The following SDK1 variants were observed in gnomAD, a reference collection of about 807,000 sequenced individuals.
SDK1 encodes the protein protein sidekick-1.
A neutral mutation model predicts 245.5 loss-of-function variants in SDK1; 157 were observed. That is an observed-to-expected ratio of 0.64 (90% CI 0.56 to 0.73). The LOEUF is 0.73. Among genes scored for constraint, SDK1 ranks in the 30% least tolerant of loss-of-function variants. SDK1 has a pLI of 0.00. For synonymous variants in SDK1, 1,647 were observed against 1,278.5 expected, an observed-to-expected ratio of 1.29 and a Z score of -6.15; for missense variants, 3,583 against 3,002.3, an observed-to-expected ratio of 1.19 and a Z score of -4.52.
chr7:3,680,985 G>C (rs1784082271), intron 4 of SDK1, among the ~76,000 whole-genome samples: 1 of 152,132 alleles, frequency 6.6e-6, no homozygotes, highest in Non-Finnish European at 1.5e-5. Context: ...TGGGACTACA[G>C]GTGCACCCCA....
At chr7:3,371,625 T>C (rs572480894) in intron 1 of SDK1, among the ~76,000 whole-genome samples, 1 of 152,252 alleles carries the variant, frequency 6.6e-6, no homozygotes, top group African/African-American at 2.4e-5. Flanking sequence ...ATCAGAAGAC[T>C]TGATCTCCAA....
chr7:4,249,396 C>G (rs1485026146), intron 44 of SDK1, among the ~76,000 whole-genome samples: 1 of 152,186 alleles, frequency 6.6e-6, no homozygotes, highest in Non-Finnish European at 1.5e-5. Flanking sequence ...CCACACTGCT[C>G]CCACATGGCA....
At chr7:4,129,355 G>A (rs146356727) in intron 26 of SDK1, among the ~76,000 whole-genome samples, 14 of 138,534 alleles carry the variant, frequency 1.0e-4, no homozygotes, top group Admixed American at 9.4e-4. Flanking sequence ...GAGGACAGCA[G>A]CTTGGGGTTG....
chr7:3,481,816 C>G (rs540686332), intron 1 of SDK1, among the ~76,000 whole-genome samples: 2 of 152,304 alleles, frequency 1.3e-5, no homozygotes, highest in African/African-American at 4.8e-5. Context: ...ACTGTCCTAC[C>G]TTTTGTGAAA....
chr7:3,483,257 G>T (rs1781573898), intron 1 of SDK1, among the ~76,000 whole-genome samples: 1 of 152,102 alleles, frequency 6.6e-6, no homozygotes, highest in Non-Finnish European at 1.5e-5. Context: ...AGTTTATTCA[G>T]GCTTCTTTTA....
chr7:3,376,712 A>G (rs1781364756), intron 1 of SDK1, among the ~76,000 whole-genome samples: 2 of 152,192 alleles, frequency 1.3e-5, no homozygotes, highest in South Asian at 2.1e-4. Flanking sequence ...TCAAAATGCA[A>G]ATACCAAATG....
intron 25 of SDK1, among the ~76,000 whole-genome samples, chr7:4,119,446 C>A (rs1783924802): frequency 6.8e-6 from 1 of 147,986 alleles, no homozygotes; most frequent in Non-Finnish European, 1.5e-5. Flanking sequence ...CAGAGCAAGA[C>A]CCTGTCTCTA....
At position 4,114,083 on chromosome 7, in the gene SDK1, A is replaced by G; in HGVS notation, c.3632A>G (p.Tyr1211Cys). 1 of 1,614,186 alleles carries G rather than the reference A, an allele frequency of 6.2e-7. No individual in the cohort carries two copies. The highest frequency in any genetic ancestry group is 8.5e-7 in the Non-Finnish European group (1 of 1,180,030). The stretch of plus-strand genomic sequence containing the variant: ...AACGGGAACCCCGAGTCCGTGGGCT[A>G]CAGGATTAAGTACTGGCGCTCAGAC... ...QYNGNPESVG[Y>C]RIKYWRSDLQ... is the part of the protein sequence containing the mutation. Residue 1211 changes from tyrosine (Y) to cysteine (C), a missense_variant, in exon 25 of 45, where the codon TAC (tyrosine) becomes TGC (cysteine). Coordinates refer to ENST00000404826, the MANE Select transcript of SDK1 (RefSeq NM_152744.4).
intron 44 of SDK1, among the ~76,000 whole-genome samples, chr7:4,251,378 A>T (rs1002074586): frequency 1.3e-5 from 2 of 152,168 alleles, no homozygotes; most frequent in African/African-American, 2.4e-5. Flanking sequence ...AGGAGACCAG[A>T]TTCACGCTTC....
intron 4 of SDK1, among the ~76,000 whole-genome samples, chr7:3,654,652 C>A (rs915785684): frequency 2.0e-5 from 3 of 152,118 alleles, no homozygotes; most frequent in African/African-American, 7.2e-5. Flanking sequence ...TGACACTGTC[C>A]CTGCTGCTTC....
chr7:3,726,079 T>C (rs1354874641), intron 4 of SDK1, among the ~76,000 whole-genome samples: 1 of 152,236 alleles, frequency 6.6e-6, no homozygotes, highest in African/African-American at 2.4e-5. Context: ...TAATGTTCTT[T>C]CCTCACAGCC....
At chr7:3,968,481 C>T (rs573259156) in intron 10 of SDK1, among the ~76,000 whole-genome samples, 11 of 152,242 alleles carry the variant, frequency 7.2e-5, no homozygotes, top group African/African-American at 1.2e-4. Context: ...ACAACCCCTG[C>T]ACTCAGACAC....
At position 4,266,529 on chromosome 7, in the gene SDK1, T is replaced by A; in HGVS notation, c.*1145T>A. 1.0e-6 allele frequency: 1 copy of A among 985,328 alleles called. No individual in the cohort carries two copies. The highest frequency in any genetic ancestry group is 1.2e-6 in the Non-Finnish European group (1 of 829,930). The allele number at this position is 985,328 out of a possible 1,614,324, so 61.0% of individuals were successfully genotyped here. ...GCGCTGCTGCTGCCCCCTCTCCCAG[T>A]CCGAGGCCAGCTTTTAGCCTTAACA... is the stretch of plus-strand genomic sequence containing the variant. On this transcript the variant is annotated 3_prime_UTR_variant, in exon 45 of 45. Coordinates refer to ENST00000404826, the MANE Select transcript of SDK1 (RefSeq NM_152744.4).
At chr7:3,307,724 T>C (rs1583662814) in intron 1 of SDK1, among the ~76,000 whole-genome samples, 1 of 152,166 alleles carries the variant, frequency 6.6e-6, no homozygotes, top group Non-Finnish European at 1.5e-5. Context: ...GGAAAAGACA[T>C]TGGGCTAAGT....
chr7:3,537,737 C>T (rs138393590), intron 1 of SDK1, among the ~76,000 whole-genome samples: 80 of 152,264 alleles, frequency 5.3e-4, no homozygotes, highest in African/African-American at 1.8e-3. Context: ...CTTGATGTGT[C>T]GGCATTTTGA....
chr7:4,095,540 G>C (rs750047196), intron 22 of SDK1, among the ~76,000 whole-genome samples: 3 of 152,028 alleles, frequency 2.0e-5, no homozygotes, highest in Non-Finnish European at 2.9e-5. Context: ...TTGTCAAGTT[G>C]CTCCTTTATT....
intron 1 of SDK1, among the ~76,000 whole-genome samples, chr7:3,596,182 G>T (rs1781056272): frequency 6.6e-6 from 1 of 152,108 alleles, no homozygotes; most frequent in Non-Finnish European, 1.5e-5. Context: ...GTTTCAGTCT[G>T]TCGTTCCAGG....
chr7:4,214,605 C>T (rs1784684117), intron 38 of SDK1, among the ~76,000 whole-genome samples: 1 of 152,168 alleles, frequency 6.6e-6, no homozygotes, highest in South Asian at 2.1e-4. Context: ...GAAAAAGCTC[C>T]ATCAGGCCTC....
In SDK1 at chr7:3,791,449, G is replaced by T. The variant is rs1026323622; in HGVS notation, c.714-30001G>T. ...ATAAGGAAAGACTGACTTCGTGGCA[G>T]ATGGTCATTCTAAGGTTCCCTCAGG... On this transcript the variant is annotated intron_variant, in intron 4 of 44. Coordinates refer to ENST00000404826, the MANE Select transcript of SDK1 (RefSeq NM_152744.4). 3.3e-5 allele frequency among the ~76,000 whole-genome samples: 5 copies of T among 152,236 alleles called. No individual in the cohort carries two copies. The South Asian group carries it at 1.0e-3, about 31-fold the overall frequency.
Sources: gnomAD v4.1 joint callset for allele counts (sites outside exome capture counted in the v4.1 genomes callset) on GRCh38, gnomAD v4.1.1 for gene constraint, MANE v1.5 for transcripts, NCBI Gene and HGNC (gene_info 2026-07-23, HGNC 2026-07-21) for gene names.